CDC42BPB: variants seen among roughly 807,000 people sequenced by gnomAD.
The protein encoded by CDC42BPB is serine/threonine-protein kinase MRCK beta.
A neutral mutation model predicts 214.9 loss-of-function variants in CDC42BPB; 37 were observed. The ratio of observed to expected loss-of-function variants is 0.17; its 90% CI spans 0.13 to 0.23. The LOEUF is 0.23. Ranked by LOEUF, CDC42BPB falls within the 10% of genes least tolerant of loss-of-function variation. The probability of loss-of-function intolerance (pLI) is 1.00; values close to 1 mark genes in which losing one functional copy is unlikely to be tolerated. For missense variants in CDC42BPB, 1,694 were observed against 2,227.0 expected, an observed-to-expected ratio of 0.76 and a Z score of 4.82; for synonymous variants, 931 against 884.0, an observed-to-expected ratio of 1.05 and a Z score of -0.94.
In CDC42BPB at chr14:102,961,718, T is replaced by C. The variant is rs552163000; in HGVS notation, c.2821+1343A>G. On this transcript the variant is annotated intron_variant, in intron 20 of 36. Transcript: ENST00000361246. ...ACCACCACGCCCAGCTAATTTTGTA[T>C]TTTTACAAGAGATGGGGTTTCTCCA... Among the ~76,000 whole-genome samples, 136 of 152,268 alleles carry C rather than the reference T, an allele frequency of 8.9e-4. 1 individual carries two copies. Among genetic ancestry groups the C allele is most frequent in the Admixed American group, 6.0e-3 (91 of 15,290 alleles).
chr14:102,962,843 C>T (rs1893023663), intron 20 of CDC42BPB, among the ~76,000 whole-genome samples: 2 of 151,622 alleles, frequency 1.3e-5, no homozygotes, highest in Admixed American at 6.6e-5. Context: ...CACAGCGAGA[C>T]TGTCTCAAAA....
intron 15 of CDC42BPB, 26 bp downstream of exon 15, chr14:102,968,446 G>C (rs879849567): frequency 1.9e-6 from 3 of 1,613,458 alleles, no homozygotes; most frequent in Non-Finnish European, 2.5e-6. Context: ...TGCATCTTCT[G>C]AACTGAGAAG....
intron 1 of CDC42BPB, chr14:103,041,550 C>A (rs1005870746): frequency 7.4e-7 from 1 of 1,343,284 alleles, no homozygotes; most frequent in Non-Finnish European, 1.0e-6. Flanking sequence ...TTCAACCAGC[C>A]GGCCCGAAGA....
intron 9 of CDC42BPB, among the ~76,000 whole-genome samples, chr14:102,977,359 A>AAAG (rs1566875626): frequency 6.7e-6 from 1 of 150,192 alleles, no homozygotes; most frequent in African/African-American, 2.5e-5. Flanking sequence ...AAAAAAAAAA[A>AAAG]AAGAAGCATG....
chr14:103,024,854 C>A (rs1334059630), intron 1 of CDC42BPB, among the ~76,000 whole-genome samples: 3 of 152,308 alleles, frequency 2.0e-5, no homozygotes, highest in Non-Finnish European at 2.9e-5. Context: ...GCTGGGATTA[C>A]AGGCGTGAGC....
intron 22 of CDC42BPB, 50 bp downstream of exon 22, chr14:102,954,552 C>A: frequency 6.5e-7 from 1 of 1,532,962 alleles, no homozygotes; most frequent in South Asian, 1.1e-5. Context: ...GTCACCTGGA[C>A]ACGAGGGCAG....
At chr14:103,025,273 C>T (rs899678302) in intron 1 of CDC42BPB, among the ~76,000 whole-genome samples, 3 of 152,022 alleles carry the variant, frequency 2.0e-5, no homozygotes, top group African/African-American at 7.3e-5. Context: ...CACCCCTCTC[C>T]CCCACCAATT....
chr14:102,943,768 TCCCGATG>T lies in CDC42BPB; in HGVS notation c.4408+116_4408+122del. The T allele has an allele frequency of 1.2e-6, 1 of 841,730 alleles. No individual in the cohort carries two copies. Among genetic ancestry groups the T allele is most frequent in the Non-Finnish European group, 1.8e-6 (1 of 546,750 alleles). The allele number at this position is 841,730 out of a possible 1,614,324, so 52.1% of individuals were successfully genotyped here. A position where few individuals can be genotyped will look rare whatever the true frequency, so the allele number is the denominator to read the frequency against. On this transcript the variant is annotated intron_variant, in intron 30 of 36. Coordinates refer to ENST00000361246, the MANE Select transcript of CDC42BPB (RefSeq NM_006035.4). This position sits in a 1 kb window ranked among gnomAD's most constrained non-coding sequence, Gnocchi z 4.6. Reference sequence around the variant, plus strand: ...TGCGGGCTGGCATGGGGCCCACCTCTCCCGATGCTCTGTGACTACTCAACTAAGGGAC... The same window carrying T: ...TGCGGGCTGGCATGGGGCCCACCTCTCTCTGTGACTACTCAACTAAGGGAC...
intron 5 of CDC42BPB, among the ~76,000 whole-genome samples, chr14:102,999,266 G>C (rs1353791999): frequency 6.8e-6 from 1 of 148,126 alleles, no homozygotes; most frequent in Non-Finnish European, 1.5e-5. Context: ...AGGGAGCACA[G>C]GCATTTTAGG....
At chr14:102,986,396 G>C in intron 6 of CDC42BPB, 91 bp downstream of exon 6, 1 of 783,114 alleles carries the variant, frequency 1.3e-6, no homozygotes, top group Non-Finnish European at 2.1e-6. Context: ...AATATACTTG[G>C]TTTCTTAATT....
chr14:103,006,723 T>C (rs1885847317), intron 3 of CDC42BPB, among the ~76,000 whole-genome samples: 1 of 152,230 alleles, frequency 6.6e-6, no homozygotes, highest in South Asian at 2.1e-4. Flanking sequence ...TAGCACCATA[T>C]TTATTTTTAT....
At chr14:102,985,757 A>C (rs1595495716) in intron 6 of CDC42BPB, among the ~76,000 whole-genome samples, 2 of 149,596 alleles carry the variant, frequency 1.3e-5, no homozygotes, top group South Asian at 2.1e-4. Flanking sequence ...TCAAAAAAGA[A>C]AAGACTCCAA....
intron 1 of CDC42BPB, among the ~76,000 whole-genome samples, chr14:103,019,968 T>C (rs539582719): frequency 6.6e-6 from 1 of 152,208 alleles, no homozygotes; most frequent in East Asian, 1.9e-4. Flanking sequence ...CAGAAAACCA[T>C]TGTGAAATCA....
chr14:102,976,106 G>C (rs2139494951), intron 9 of CDC42BPB, 57 bp from the exon 10 acceptor site: 1 of 1,591,136 alleles, frequency 6.3e-7, no homozygotes, highest in Middle Eastern at 1.7e-4. Context: ...GATTTCATTA[G>C]CATTTTCAAT....
At chr14:102,936,650 T>C (rs1275697934) in intron 36 of CDC42BPB, among the ~76,000 whole-genome samples, 1 of 152,182 alleles carries the variant, frequency 6.6e-6, no homozygotes, top group African/African-American at 2.4e-5. Context: ...TTTGAAATGA[T>C]GAAAATGTCT....
At chr14:103,039,292 CAAAAA>C (rs202028122) in intron 1 of CDC42BPB, among the ~76,000 whole-genome samples, 85 of 70,652 alleles carry the variant, frequency 1.2e-3, no homozygotes, top group Non-Finnish European at 2.1e-3. Context: ...GATACCAAAC[CAAAAA>C]AAAAAAAAAA....
rs549976545 is a variant in CDC42BPB at position 103,025,589 on chromosome 14, G to A, written c.176-13401C>T. Among the ~76,000 whole-genome samples the A allele has an allele frequency of 9.9e-5, 15 of 151,300 alleles. No homozygotes were observed. The East Asian group carries it at 2.3e-3, about 23-fold the overall frequency. On this transcript the variant is annotated intron_variant, in intron 1 of 36. Transcript: ENST00000361246. Reference sequence around the variant, plus strand: ...TCCCAGCACTTTGGGAAGCCGAGGCGGGTGGATCACCTGAGGTCAGACGTT... The same window carrying A: ...TCCCAGCACTTTGGGAAGCCGAGGCAGGTGGATCACCTGAGGTCAGACGTT...
At chr14:102,954,159 T>C in intron 23 of CDC42BPB, 39 bp downstream of exon 23, 2 of 1,317,686 alleles carry the variant, frequency 1.5e-6, no homozygotes, top group Non-Finnish European at 2.1e-6. Context: ...AACAACTAAA[T>C]AACTAAGAAG....
chr14:103,056,858 G>C (rs1306290013), intron 1 of CDC42BPB, 141 bp downstream of exon 1: 3 of 526,080 alleles, frequency 5.7e-6, no homozygotes, highest in Non-Finnish European at 9.4e-6. Flanking sequence ...CTGCCAGAGC[G>C]AGAGGAGGCG....
Sources: allele counts gnomAD v4.1 joint callset (sites outside exome capture counted in the v4.1 genomes callset), GRCh38; gene constraint gnomAD v4.1.1; non-coding constraint Gnocchi (gnomAD v3.1); transcripts MANE v1.5; gene names NCBI Gene and HGNC (gene_info 2026-07-23, HGNC 2026-07-21).